RORA: variants seen among roughly 807,000 people sequenced by gnomAD.
RORA encodes nuclear receptor ROR-alpha.
A neutral mutation model predicts 69.5 loss-of-function variants in RORA; 7 were observed. The ratio of observed to expected loss-of-function variants is 0.10; its 90% CI spans 0.06 to 0.19. The LOEUF (loss-of-function observed/expected upper bound fraction) is 0.19. Ranked by LOEUF, RORA falls within the 10% of genes least tolerant of loss-of-function variation. The probability of loss-of-function intolerance (pLI) is 1.00; values close to 1 mark genes in which losing one functional copy is unlikely to be tolerated. For missense variants in RORA, 457 were observed against 663.0 expected (o/e 0.69, Z 3.41); for synonymous variants, 261 against 240.8 (o/e 1.08, Z -0.78).
At position 60,806,361 on chromosome 15, in the gene RORA, C is replaced by T. The variant is rs149202650; in HGVS notation, c.167-127675G>A. Among the ~76,000 whole-genome samples the T allele has an allele frequency of 1.8e-4, 28 of 152,316 alleles. No individual in the cohort carries two copies. The East Asian group carries it at 4.0e-3, about 22-fold the overall frequency. On this transcript the variant is annotated intron_variant, in intron 1 of 10. Coordinates refer to ENST00000335670, the MANE Select transcript of RORA (RefSeq NM_134261.3). ...CTGTATTAAGGTGTCTATAGCTCCA[C>T]CCATGAACAGCAGCCACATGCAGAC...
chr15:60,884,842 CG>C (rs2140451543), intron 1 of RORA, among the ~76,000 whole-genome samples: 1 of 152,198 alleles, frequency 6.6e-6, no homozygotes, highest in East Asian at 1.9e-4. Context: ...CAAAAGAGCA[CG>C]GGAGTCATGA....
Position 60,635,051 on chromosome 15 carries a change from C to T in RORA, c.196+43606G>A, listed in dbSNP as rs75503648. On this transcript the variant is annotated intron_variant, in intron 2 of 10. Coordinates refer to ENST00000335670, the MANE Select transcript of RORA (RefSeq NM_134261.3). The stretch of plus-strand genomic sequence containing the variant: ...ACAAGAAGTAAGCTAATGAAACCCA[C>T]GGAGCACGGCCTGCCCCTCTGCTTC... Among the ~76,000 whole-genome samples, 526 of 152,308 alleles carry T rather than the reference C, an allele frequency of 3.5e-3. 1 individual carries two copies. Among genetic ancestry groups the T allele is most frequent in the Non-Finnish European group, 4.3e-3 (290 of 68,022 alleles).
intron 1 of RORA, among the ~76,000 whole-genome samples, chr15:60,841,338 A>T (rs779892219): frequency 4.6e-5 from 7 of 152,224 alleles, no homozygotes; most frequent in Non-Finnish European, 8.8e-5. Context: ...GAGAGGAAGC[A>T]AAGCCACAAT....
intron 1 of RORA, among the ~76,000 whole-genome samples, chr15:60,916,961 T>C (rs1253022269): frequency 6.6e-6 from 1 of 152,234 alleles, no homozygotes; most frequent in East Asian, 1.9e-4. Flanking sequence ...TCTACACTGT[T>C]AGTGTTGACA....
At position 60,812,102 on chromosome 15, in the gene RORA, G is replaced by C. The variant is rs2072752602; in HGVS notation, c.167-133416C>G. ...TCACACTACCTAGATTTGAATCTCTGCTTCCCTTTGTTTGACCCCAGAAAA... is the reference window on the plus strand; with the variant it reads ...TCACACTACCTAGATTTGAATCTCTCCTTCCCTTTGTTTGACCCCAGAAAA... On this transcript the variant is annotated intron_variant, in intron 1 of 10. Transcript: ENST00000335670. 2.0e-5 allele frequency among the ~76,000 whole-genome samples: 3 copies of C among 152,138 alleles called. No individual in the cohort carries two copies. The South Asian group carries it at 6.2e-4, about 32-fold the overall frequency.
chr15:60,710,022 T>G (rs900646925), intron 1 of RORA, among the ~76,000 whole-genome samples: 5 of 152,106 alleles, frequency 3.3e-5, no homozygotes, highest in African/African-American at 1.2e-4. Flanking sequence ...GTAACTTGAA[T>G]ATCATGTGTC....
At chr15:60,727,793 T>C (rs2071379978) in intron 1 of RORA, among the ~76,000 whole-genome samples, 1 of 152,150 alleles carries the variant, frequency 6.6e-6, no homozygotes, top group Admixed American at 6.5e-5. Context: ...ATGAGATCCC[T>C]GGGGAGATAG....
intron 1 of RORA, among the ~76,000 whole-genome samples, chr15:60,816,044 TA>T (rs2072810506): frequency 1.4e-5 from 2 of 145,620 alleles, no homozygotes; most frequent in African/African-American, 5.0e-5. Flanking sequence ...ATATATACTA[TA>T]AAAACTATAT....
At chr15:60,973,766 C>T (rs1197519279) in intron 1 of RORA, among the ~76,000 whole-genome samples, 3 of 152,344 alleles carry the variant, frequency 2.0e-5, no homozygotes, top group Middle Eastern at 3.4e-3. Flanking sequence ...GGTCTGGGAA[C>T]GGCTGGTGGC....
rs746773569 is a variant in RORA, at chr15:60,834,719, C to T, written c.167-156033G>A. ...GCCCAATGGACCTACTTCCATCCCC[C>T]GATGAGGGGCTGCGCATTTGTTGAG... On this transcript the variant is annotated intron_variant, in intron 1 of 10. Coordinates refer to ENST00000335670, the MANE Select transcript of RORA (RefSeq NM_134261.3). Among the ~76,000 whole-genome samples the T allele has an allele frequency of 5.3e-5, 8 of 152,330 alleles. No homozygotes were observed. The East Asian group carries it at 9.7e-4, about 18-fold the overall frequency.
At chr15:60,514,404 A>G (rs931498854) in intron 4 of RORA, among the ~76,000 whole-genome samples, 1 of 152,002 alleles carries the variant, frequency 6.6e-6, no homozygotes, top group Non-Finnish European at 1.5e-5. Flanking sequence ...ACCCCCACCC[A>G]TCAGCCAGCC....
chr15:60,563,504 C>A (rs2067635594), intron 2 of RORA, among the ~76,000 whole-genome samples: 1 of 152,200 alleles, frequency 6.6e-6, no homozygotes, highest in Non-Finnish European at 1.5e-5. Flanking sequence ...CTATTTTAGT[C>A]ATCAAGAACA....
chr15:60,727,679 A>C (rs551286943), intron 1 of RORA, among the ~76,000 whole-genome samples: 12 of 152,000 alleles, frequency 7.9e-5, no homozygotes, highest in African/African-American at 2.9e-4. Flanking sequence ...TGGGACTTTA[A>C]AAAAAAATGG....
At chr15:60,939,676 C>A (rs574660340) in intron 1 of RORA, among the ~76,000 whole-genome samples, 1 of 152,346 alleles carries the variant, frequency 6.6e-6, no homozygotes, top group South Asian at 2.1e-4. Flanking sequence ...TGAATTATAA[C>A]AGGGGGACAG....
chr15:60,819,765 A>ACACACACACGCG (rs1567202061), intron 1 of RORA, among the ~76,000 whole-genome samples: 8 of 124,342 alleles, frequency 6.4e-5, no homozygotes, highest in Non-Finnish European at 1.1e-4. Context: ...ACACACACAC[A>ACACACACACGCG]CACACACACA....
In RORA at chr15:60,630,706, C is replaced by A. The variant is rs368177006; in HGVS notation, c.196+47951G>T. On this transcript the variant is annotated intron_variant, in intron 2 of 10. Transcript: ENST00000335670. ...AGTCCCAGCAGGTAAGTGGGTGAGTCTCATATACAGCTCAGGAACTCCTTT... is the reference window on the plus strand; with the variant it reads ...AGTCCCAGCAGGTAAGTGGGTGAGTATCATATACAGCTCAGGAACTCCTTT... 50 of 152,336 alleles carry A rather than the reference C, an allele frequency of 3.3e-4. 1 individual carries two copies. In the South Asian group the frequency reaches 9.9e-3, roughly 30 times the overall value. The allele number at this position is 152,336 out of a possible 1,614,324, so 9.4% of individuals were successfully genotyped here. A position where few individuals can be genotyped will look rare whatever the true frequency, so the allele number is the denominator to read the frequency against.
intron 2 of RORA, among the ~76,000 whole-genome samples, chr15:60,533,064 T>G (rs1246165275): frequency 2.0e-5 from 3 of 152,194 alleles, no homozygotes; most frequent in Non-Finnish European, 4.4e-5. Context: ...TCACAACCAC[T>G]TACTTTGGAT....
At chr15:60,819,165 G>A (rs142579487) in intron 1 of RORA, among the ~76,000 whole-genome samples, 1 of 152,326 alleles carries the variant, frequency 6.6e-6, no homozygotes, top group East Asian at 1.9e-4. Flanking sequence ...TTTGATTTAT[G>A]CTATTACTGG....
intron 1 of RORA, among the ~76,000 whole-genome samples, chr15:61,187,407 T>C (rs1270287477): frequency 6.6e-6 from 1 of 152,076 alleles, no homozygotes; most frequent in African/African-American, 2.4e-5. Context: ...CTCAGGTAGC[T>C]CTCGAGAGGA....
Sources: gnomAD v4.1 joint callset for allele counts (sites outside exome capture counted in the v4.1 genomes callset) on GRCh38, gnomAD v4.1.1 for gene constraint, MANE v1.5 for transcripts, NCBI Gene and HGNC (gene_info 2026-07-23, HGNC 2026-07-21) for gene names.